The following KCNAB2 variants were observed in gnomAD, a reference collection of about 807,000 sequenced individuals.
KCNAB2 encodes voltage-gated potassium channel subunit beta-2.
KCNAB2 carries 29 observed loss-of-function variants against 63.6 expected under a neutral mutation model. The ratio of observed to expected loss-of-function variants is 0.46; its 90% confidence interval spans 0.34 to 0.62. The LOEUF (loss-of-function observed/expected upper bound fraction) is 0.62, where lower values mean the gene tolerates loss of function less well. Among genes scored for constraint, KCNAB2 ranks in the 20% least tolerant of loss-of-function variants. The probability of loss-of-function intolerance (pLI) is 0.01; values close to 1 mark genes in which losing one functional copy is unlikely to be tolerated. For missense variants in KCNAB2, 359 were observed against 563.9 expected, an observed-to-expected ratio of 0.64 and a Z score of 3.68; for synonymous variants, 222 against 224.2, an observed-to-expected ratio of 0.99 and a Z score of 0.09.
chr1:6,040,918 G>A (rs114657816), upstream of KCNAB2, among the ~76,000 whole-genome samples: 2,783 of 152,372 alleles, frequency 0.018, 41 homozygotes, highest in Non-Finnish European at 0.032. Context: ...TGACCCTTCC[G>A]AAATATCTCG....
intron 3 of KCNAB2, 152 bp downstream of exon 3, chr1:6,072,950 G>C: frequency 1.6e-6 from 1 of 615,116 alleles, no homozygotes; most frequent in Non-Finnish European, 2.8e-6. Flanking sequence ...ATTCAGGGGG[G>C]CTCGGTTGCC....
intron 2 of KCNAB2, among the ~76,000 whole-genome samples, chr1:6,053,176 G>T (rs1208249340): frequency 6.6e-6 from 1 of 152,134 alleles, no homozygotes; most frequent in East Asian, 1.9e-4. Flanking sequence ...CGCTAGTTTG[G>T]CCACAGCTGA....
At chr1:6,042,731 C>G, upstream of KCNAB2, among the ~76,000 whole-genome samples, 1 of 152,110 alleles carries the variant, frequency 6.6e-6, no homozygotes, top group Non-Finnish European at 1.5e-5. Flanking sequence ...CTATTCGGAC[C>G]CGGACATCTG....
At chr1:6,011,127 T>G (rs1658119979) in intron 1 of KCNAB2, among the ~76,000 whole-genome samples, 1 of 152,098 alleles carries the variant, frequency 6.6e-6, no homozygotes, top group African/African-American at 2.4e-5. Context: ...GCAGATGAAG[T>G]CCCCAGCAGA....
At chr1:6,042,742 G>GT (rs1266279791), upstream of KCNAB2, among the ~76,000 whole-genome samples, 9 of 152,062 alleles carry the variant, frequency 5.9e-5, no homozygotes, top group African/African-American at 2.2e-4. Flanking sequence ...CGGACATCTG[G>GT]TAACAGTGCT....
At chr1:6,042,726 C>T (rs1660593965), upstream of KCNAB2, among the ~76,000 whole-genome samples, 1 of 152,232 alleles carries the variant, frequency 6.6e-6, no homozygotes, top group East Asian at 1.9e-4. Flanking sequence ...TCTCTCTATT[C>T]GGACCCGGAC....
chr1:6,062,658 G>A (rs1372773515), intron 2 of KCNAB2, among the ~76,000 whole-genome samples: 1 of 152,136 alleles, frequency 6.6e-6, no homozygotes, highest in Non-Finnish European at 1.5e-5. Context: ...TAGCTTCATA[G>A]CGCACACACA....
At chr1:6,045,594 C>T (rs958646642), upstream of KCNAB2, among the ~76,000 whole-genome samples, 1 of 152,166 alleles carries the variant, frequency 6.6e-6, no homozygotes. The surrounding 1 kb of genome is among the most constrained non-coding windows in gnomAD (Gnocchi z 4.8). Flanking sequence ...GGAGCATGCG[C>T]GTGTGCTGAG....
Position 6,078,462 on chromosome 1 carries a change from G to A in KCNAB2, c.301-3733G>A, listed in dbSNP as rs950476166. Among the ~76,000 whole-genome samples, 2 of 152,118 alleles carry A rather than the reference G, an allele frequency of 1.3e-5. No homozygotes were observed. Among genetic ancestry groups the A allele is most frequent in the African/African-American group, 2.4e-5 (1 of 41,408 alleles). ...AGGGCAGGGGGGCGGGGGTCCTGAC[G>A]ACAGGGTGGTCAGGAAGCAGAAGCG... On this transcript the variant is annotated intron_variant, in intron 4 of 15. Coordinates refer to ENST00000378083, the MANE Select transcript of KCNAB2 (RefSeq NM_001199862.2). This position sits in a 1 kb window ranked among gnomAD's most constrained non-coding sequence, Gnocchi z 4.2.
intron 2 of KCNAB2, among the ~76,000 whole-genome samples, chr1:6,065,172 A>T (rs1022962380): frequency 6.6e-6 from 1 of 152,208 alleles, no homozygotes; most frequent in Non-Finnish European, 1.5e-5. Flanking sequence ...CTGTGACCGG[A>T]GCAAGCACTG....
upstream of KCNAB2, among the ~76,000 whole-genome samples, chr1:6,029,404 C>T (rs1011178298): frequency 4.6e-5 from 7 of 152,162 alleles, no homozygotes; most frequent in African/African-American, 1.7e-4. Flanking sequence ...CGAGGACCCT[C>T]AGACACCAAT....
chr1:6,047,462 A>G (rs925596923), intron 1 of KCNAB2, among the ~76,000 whole-genome samples: 2 of 152,114 alleles, frequency 1.3e-5, no homozygotes, highest in African/African-American at 2.4e-5. Context: ...TCCCAGAGTC[A>G]TGAGCCTTCA....
chr1:6,074,685 C>T lies in KCNAB2; in HGVS notation c.300+915C>T, dbSNP rs564132287. On this transcript the variant is annotated intron_variant, in intron 4 of 15. Transcript: ENST00000378083. This position sits in a 1 kb window ranked among gnomAD's most constrained non-coding sequence, Gnocchi z 4.9. ...ATCTTTAAGACACTAGCTGGCCGGG[C>T]GCGGTGACTCACACCTGTAACCCCA... Among the ~76,000 whole-genome samples, 11 of 152,266 alleles carry T rather than the reference C, an allele frequency of 7.2e-5. No individual in the cohort carries two copies. Among genetic ancestry groups the T allele is most frequent in the Non-Finnish European group, 1.0e-4 (7 of 68,024 alleles).
chr1:6,071,484 G>A lies in KCNAB2; in HGVS notation c.219-1271G>A, dbSNP rs1663179271. Among the ~76,000 whole-genome samples, 1 of 152,198 alleles carries A rather than the reference G, an allele frequency of 6.6e-6. No individual in the cohort carries two copies. The highest frequency in any genetic ancestry group is 2.4e-5 in the African/African-American group (1 of 41,448). On this transcript the variant is annotated intron_variant, in intron 2 of 15. Coordinates refer to ENST00000378083, the MANE Select transcript of KCNAB2 (RefSeq NM_001199862.2). This position sits in a 1 kb window ranked among gnomAD's most constrained non-coding sequence, Gnocchi z 8.5. Reference sequence around the variant, plus strand: ...CAACCTCACCATCTGGGCAGATCACGCCCTGCTTAACAGGCTGGGGTGTGG... The same window carrying A: ...CAACCTCACCATCTGGGCAGATCACACCCTGCTTAACAGGCTGGGGTGTGG...
At chr1:6,065,661 C>T (rs189837490) in intron 2 of KCNAB2, among the ~76,000 whole-genome samples, 304 of 152,322 alleles carry the variant, frequency 2.0e-3, no homozygotes, top group African/African-American at 6.6e-3. Context: ...CGTCACTCAT[C>T]ATCAGGAGTA....
chr1:6,052,578 C>T (rs1661482448), intron 2 of KCNAB2, among the ~76,000 whole-genome samples: 1 of 152,118 alleles, frequency 6.6e-6, no homozygotes, highest in African/African-American at 2.4e-5. Flanking sequence ...CTCCAAAGGA[C>T]ATTCTTTTTA....
At chr1:6,015,907 T>A (rs1242830591) in intron 1 of KCNAB2, among the ~76,000 whole-genome samples, 1 of 152,090 alleles carries the variant, frequency 6.6e-6, no homozygotes, top group Admixed American at 6.5e-5. Context: ...GGTTTTACCA[T>A]GTTGCCCAGA....
upstream of KCNAB2, chr1:6,041,801 TTTTTCTC>T (rs760904176): frequency 6.2e-7 from 1 of 1,601,948 alleles, no homozygotes; most frequent in Non-Finnish European, 8.5e-7. Context: ...CCCTTTCTCC[TTTTTCTC>T]TTTTCTCCAT....
intron 1 of KCNAB2, among the ~76,000 whole-genome samples, chr1:6,047,825 C>A (rs1278292786): frequency 6.6e-6 from 1 of 152,222 alleles, no homozygotes; most frequent in Non-Finnish European, 1.5e-5. Context: ...CCCTGCTCCT[C>A]ACCCCACCAC....
Sources: gnomAD v4.1 joint callset for allele counts (sites outside exome capture counted in the v4.1 genomes callset) on GRCh38, gnomAD v4.1.1 for gene constraint, Gnocchi (gnomAD v3.1) non-coding constraint, MANE v1.5 for transcripts, NCBI Gene and HGNC (gene_info 2026-07-23, HGNC 2026-07-21) for gene names.